The following TTC3 variants were observed in gnomAD, a reference collection of about 807,000 sequenced individuals.
The protein encoded by TTC3 is tetratricopeptide repeat domain 3.
A neutral mutation model predicts 249.6 loss-of-function variants in TTC3; 180 were observed. The ratio of observed to expected loss-of-function variants is 0.72; its 90% CI spans 0.64 to 0.82. TTC3 has a LOEUF of 0.82. Ranked by LOEUF, TTC3 falls within the 40% of genes least tolerant of loss-of-function variation. The pLI is 0.00. For missense variants in TTC3, 2,061 were observed against 2,398.4 expected (o/e 0.86, Z 2.94); for synonymous variants, 717 against 805.0 (o/e 0.89, Z 1.85).
exon 27 of TTC3, chr21:37,153,165 C>T (rs775801079): frequency 3.7e-6 from 6 of 1,614,130 alleles, no homozygotes; most frequent in Non-Finnish European, 5.1e-6. Flanking sequence ...TTATTCGCCA[C>T]TTGATTCAAG....
At chr21:37,108,943 A>T (rs1568938749) in intron 11 of TTC3, among the ~76,000 whole-genome samples, 1 of 152,192 alleles carries the variant, frequency 6.6e-6, no homozygotes, top group Admixed American at 6.5e-5. Context: ...AACTGGTAGG[A>T]TTTACAGCTG....
At chr21:37,094,480 A>T (rs1030279250) in intron 8 of TTC3, among the ~76,000 whole-genome samples, 1 of 152,156 alleles carries the variant, frequency 6.6e-6, no homozygotes, top group African/African-American at 2.4e-5. Flanking sequence ...GTTTATTTTT[A>T]AAAAATTGAG....
At chr21:37,199,054 T>C (rs2085229783) in intron 44 of TTC3, among the ~76,000 whole-genome samples, 1 of 152,078 alleles carries the variant, frequency 6.6e-6, no homozygotes, top group Non-Finnish European at 1.5e-5. Context: ...GACCCTCGAG[T>C]CATGGGCAGC....
intron 35 of TTC3, among the ~76,000 whole-genome samples, chr21:37,173,723 C>T (rs2082001679): frequency 6.6e-6 from 1 of 152,128 alleles, no homozygotes; most frequent in African/African-American, 2.4e-5. Context: ...TAGTAGAAAT[C>T]TTAGGGTCAG....
rs764515418 is a variant in TTC3, at chr21:37,096,656, A to C, written c.845+13A>C. On this transcript the variant is annotated intron_variant, in intron 10 of 45. Coordinates refer to ENST00000355666, the Ensembl canonical transcript of TTC3. ...CTGGACAGTTTAGGTAAGTTGGTTAAAATATCTCAACCACTGAATTATTAT... is the reference window on the plus strand; with the variant it reads ...CTGGACAGTTTAGGTAAGTTGGTTACAATATCTCAACCACTGAATTATTAT... 7 of 1,594,456 alleles carry C rather than the reference A, an allele frequency of 4.4e-6. No individual in the cohort carries two copies. The East Asian group carries it at 1.6e-4, about 36-fold the overall frequency.
chr21:37,096,741 C>A, intron 10 of TTC3, 98 bp downstream of exon 10: 2 of 890,416 alleles, frequency 2.2e-6, no homozygotes, highest in Non-Finnish European at 3.6e-6. Context: ...AAATCCTTGA[C>A]TGGTTCTTTG....
intron 1 of TTC3, chr21:37,082,712 G>A: frequency 2.0e-6 from 2 of 984,708 alleles, no homozygotes; most frequent in Non-Finnish European, 2.4e-6. Context: ...CATCCAAAAA[G>A]TGTTTTTTTT....
chr21:37,130,063 A>G (rs1375730348), intron 16 of TTC3, among the ~76,000 whole-genome samples: 1 of 152,230 alleles, frequency 6.6e-6, no homozygotes, highest in African/African-American at 2.4e-5. Context: ...AGAAACAGCA[A>G]AGCCATGTCT....
At chr21:37,117,772 A>T (rs1327779864) in intron 11 of TTC3, among the ~76,000 whole-genome samples, 1 of 148,962 alleles carries the variant, frequency 6.7e-6, no homozygotes, top group East Asian at 2.0e-4. Context: ...TGGGAGGCTA[A>T]GGTGGGATAA....
At chr21:37,149,389 C>A (rs180756875) in intron 23 of TTC3, among the ~76,000 whole-genome samples, 111 of 152,224 alleles carry the variant, frequency 7.3e-4, no homozygotes, top group African/African-American at 2.6e-3. Context: ...ACATTTTGTA[C>A]ATTTTCACAT....
intron 1 of TTC3, among the ~76,000 whole-genome samples, chr21:37,079,812 G>GT (rs2071393103): frequency 1.3e-5 from 2 of 151,942 alleles, no homozygotes; most frequent in African/African-American, 4.8e-5. Context: ...AGGATTACAG[G>GT]TGTGAGCCAC....
At chr21:37,081,703 C>T (rs971190335) in intron 1 of TTC3, 1 of 151,944 alleles carries the variant, frequency 6.6e-6, no homozygotes, top group African/African-American at 2.4e-5. Context: ...CTTTATCTTT[C>T]ATATTTTTTA....
chr21:37,177,974 C>T (rs1382820167), intron 35 of TTC3, among the ~76,000 whole-genome samples: 1 of 152,200 alleles, frequency 6.6e-6, no homozygotes, highest in Non-Finnish European at 1.5e-5. Flanking sequence ...TGTCACTCCC[C>T]ATTCTCTCCT....
At chr21:37,176,661 C>G (rs779049715) in intron 35 of TTC3, among the ~76,000 whole-genome samples, 6 of 152,156 alleles carry the variant, frequency 3.9e-5, no homozygotes, top group Non-Finnish European at 8.8e-5. Flanking sequence ...GTGCCACACT[C>G]AATTGTTTTT....
chr21:37,176,603 G>T (rs1406811714), intron 35 of TTC3, among the ~76,000 whole-genome samples: 1 of 152,194 alleles, frequency 6.6e-6, no homozygotes, highest in African/African-American at 2.4e-5. Flanking sequence ...ATGGGTCCTT[G>T]TCAAGTTCAG....
intron 2 of TTC3, 75 bp from the exon 3 acceptor site, chr21:37,087,754 GGTTA>G (rs1190124491): frequency 5.7e-5 from 65 of 1,133,882 alleles, no homozygotes; most frequent in Non-Finnish European, 6.2e-5. Flanking sequence ...AAAGTTCTTT[GGTTA>G]GTTCTGATAA....
rs1477847067 is a variant in TTC3 at position 37,073,454 on chromosome 21, AC to A, written c.-12+95del. 1 of 984,498 alleles carries A rather than the reference AC, an allele frequency of 1.0e-6. No individual in the cohort carries two copies. The highest frequency in any genetic ancestry group is 1.2e-6 in the Non-Finnish European group (1 of 830,006). 61.0% of individuals were successfully genotyped at this position (984,498 alleles called of 1,614,324 possible). A position where few individuals can be genotyped will look rare whatever the true frequency, so the allele number is the denominator to read the frequency against. On this transcript the variant is annotated intron_variant, in intron 1 of 45. An upstream open reading frame in the 5' UTR loses its in-frame stop. Coordinates refer to ENST00000355666, the Ensembl canonical transcript of TTC3. ...ATGCCGGGGGAGCGGGGCCTTCCAC[AC>A]CCCCTCCGTGGGTGTGTGGTGAGTG...
chr21:37,088,723 A>G, intron 4 of TTC3, 76 bp from the exon 5 acceptor site: 1 of 1,334,058 alleles, frequency 7.5e-7, no homozygotes, highest in Non-Finnish European at 1.0e-6. Context: ...GGTTTGAGAT[A>G]TATAGCTAAG....
At chr21:37,098,094 A>G (rs2074123554) in intron 10 of TTC3, 1 of 569,448 alleles carries the variant, frequency 1.8e-6, no homozygotes, top group Non-Finnish European at 3.2e-6. Context: ...TGGGCTTGAC[A>G]CAGTCTTCCA....
Sources: gnomAD v4.1 joint callset for allele counts (sites outside exome capture counted in the v4.1 genomes callset) on GRCh38, gnomAD v4.1.1 for gene constraint, MANE v1.5 for transcripts, NCBI Gene and HGNC (gene_info 2026-07-23, HGNC 2026-07-21) for gene names.